Variants in ATP8B4 observed in about 807,000 individuals in gnomAD.
ATP8B4 encodes ATPase phospholipid transporting 8B4 (putative), also known as probable phospholipid-transporting ATPase IM.
ATP8B4 carries 133 observed loss-of-function variants against 145.6 expected under a neutral mutation model. That is an observed-to-expected ratio of 0.91 (90% CI 0.79 to 1.05). The LOEUF (loss-of-function observed/expected upper bound fraction) is 1.05. ATP8B4 is among the 50% of genes least tolerant of loss of function. The pLI is 0.00. For missense variants in ATP8B4, 1,458 were observed against 1,425.2 expected, an observed-to-expected ratio of 1.02 and a Z score of -0.37; for synonymous variants, 507 against 492.9, an observed-to-expected ratio of 1.03 and a Z score of -0.38.
At position 50,017,846 on chromosome 15, in the gene ATP8B4, G is replaced by C. The variant is rs528983110; in HGVS notation, c.363-6929C>G. On this transcript the variant is annotated intron_variant, in intron 6 of 27. Transcript: ENST00000284509. ...TAAAGGTATCACTGGAATATCAGGAGTTGATTTACTTATTAGGTTTGCAGT... is the reference window on the plus strand; with the variant it reads ...TAAAGGTATCACTGGAATATCAGGACTTGATTTACTTATTAGGTTTGCAGT... Among the ~76,000 whole-genome samples, 5 of 152,304 alleles carry C rather than the reference G, an allele frequency of 3.3e-5. No individual in the cohort carries two copies. In the East Asian group the frequency reaches 9.6e-4, roughly 29 times the overall value.
intron 20 of ATP8B4, among the ~76,000 whole-genome samples, chr15:49,915,270 G>A (rs1210765117): frequency 6.6e-6 from 1 of 152,150 alleles, no homozygotes; most frequent in African/African-American, 2.4e-5. Context: ...ATCTCATAGA[G>A]AGTAGAATGA....
At chr15:50,109,447 G>A (rs1332477836) in intron 1 of ATP8B4, among the ~76,000 whole-genome samples, 3 of 152,050 alleles carry the variant, frequency 2.0e-5, no homozygotes, top group Non-Finnish European at 4.4e-5. Flanking sequence ...TATTGGGCAG[G>A]TGAATGAATT....
At chr15:49,977,024 A>T (rs572519414) in intron 12 of ATP8B4, among the ~76,000 whole-genome samples, 1 of 152,266 alleles carries the variant, frequency 6.6e-6, no homozygotes, top group East Asian at 1.9e-4. Flanking sequence ...TTTAAAAAAA[A>T]CTGTAGCTGG....
At chr15:50,094,239 G>C (rs1214459910) in intron 2 of ATP8B4, among the ~76,000 whole-genome samples, 1 of 152,062 alleles carries the variant, frequency 6.6e-6, no homozygotes, top group Non-Finnish European at 1.5e-5. Context: ...CTCAAGGCCT[G>C]AATAGAACAA....
At chr15:50,164,732 A>G (rs1277598863) in intron 1 of ATP8B4, among the ~76,000 whole-genome samples, 1 of 152,196 alleles carries the variant, frequency 6.6e-6, no homozygotes, top group Non-Finnish European at 1.5e-5. Context: ...AGGACTCTAC[A>G]TCACTTTAGC....
Position 50,074,135 on chromosome 15 carries a change from G to A in ATP8B4, c.79C>T (p.Gln27Ter), listed in dbSNP as rs1340438692. 2 of 1,612,660 alleles carry A rather than the reference G, an allele frequency of 1.2e-6. No homozygotes were observed. Among genetic ancestry groups the A allele is most frequent in the Middle Eastern group, 1.7e-4 (1 of 6,058 alleles). The change falls in exon 3 of 28, where the codon CAG becomes TAG. Residue 27 changes from glutamine (Q) to a stop codon, truncating the protein, a stop_gained. Coordinates refer to ENST00000284509, the MANE Select transcript of ATP8B4 (RefSeq NM_024837.4). LOFTEE classifies it high-confidence loss of function. ...ANDREYNEKF[Q>*]YADNRIHTSK... ...ATGTGTGTTTCACTTACCGCATACT[G>A]GAACTTTTCATTATATTCACGGTCA...
chr15:49,942,423 A>G (rs28416417), intron 14 of ATP8B4, among the ~76,000 whole-genome samples: 20,483 of 151,884 alleles, frequency 0.13, 2,071 homozygotes, highest in African/African-American at 0.28. Flanking sequence ...GGGAGGAGGT[A>G]TTTAGAAAAT....
chr15:50,163,901 A>G (rs751436413), intron 1 of ATP8B4, among the ~76,000 whole-genome samples: 3 of 151,924 alleles, frequency 2.0e-5, no homozygotes, highest in Non-Finnish European at 2.9e-5. Context: ...GTCTCTCCCC[A>G]TGGCCACCAC....
At chr15:49,977,164 T>A (rs2045739828) in intron 12 of ATP8B4, among the ~76,000 whole-genome samples, 1 of 152,144 alleles carries the variant, frequency 6.6e-6, no homozygotes, top group African/African-American at 2.4e-5. Context: ...AAGTGATATA[T>A]GGCACTAATT....
chr15:49,888,652 G>T (rs1451947063), intron 23 of ATP8B4, among the ~76,000 whole-genome samples: 1 of 152,060 alleles, frequency 6.6e-6, no homozygotes, highest in Non-Finnish European at 1.5e-5. Flanking sequence ...TAAGTTACAG[G>T]TATAAATTGT....
At chr15:49,876,149 T>G (rs1398394220) in intron 25 of ATP8B4, 129 bp downstream of exon 25, 18 of 1,266,346 alleles carry the variant, frequency 1.4e-5, no homozygotes, top group Non-Finnish European at 1.9e-5. Flanking sequence ...TCAAAATGTG[T>G]ACTTAAAAGG....
At position 49,957,139 on chromosome 15, in the gene ATP8B4, T is replaced by G. The variant is rs188863007; in HGVS notation, c.1287+4838A>C. Among the ~76,000 whole-genome samples, 301 of 152,238 alleles carry G rather than the reference T, an allele frequency of 2.0e-3. 1 individual carries two copies. Among genetic ancestry groups the G allele is most frequent in the African/African-American group, 7.0e-3 (291 of 41,558 alleles). On this transcript the variant is annotated intron_variant, in intron 14 of 27. Transcript: ENST00000284509. Reference sequence around the variant, plus strand: ...TCTTTTAAAGCTGCAAATCGACTCATAGAAATTTATATACATTTCAGATTA... The same window carrying G: ...TCTTTTAAAGCTGCAAATCGACTCAGAGAAATTTATATACATTTCAGATTA...
chr15:50,141,256 G>A (rs1275966699), intron 1 of ATP8B4, among the ~76,000 whole-genome samples: 1 of 152,002 alleles, frequency 6.6e-6, no homozygotes. Context: ...TTCCTTTTAA[G>A]TGATGCTAAC....
intron 2 of ATP8B4, among the ~76,000 whole-genome samples, chr15:50,085,945 GAT>G (rs2054943997): frequency 4.6e-5 from 4 of 87,088 alleles, no homozygotes; most frequent in South Asian, 3.2e-4. Context: ...ATTTATATAT[GAT>G]ATATATCATA....
chr15:49,860,536 C>T lies in ATP8B4; in HGVS notation c.3298-61G>A, dbSNP rs546241553. 4.7e-6 allele frequency: 7 copies of T among 1,486,582 alleles called. No individual in the cohort carries two copies. The South Asian group carries it at 7.1e-5, about 15-fold the overall frequency. The allele number at this position is 1,486,582 out of a possible 1,614,324, so 92.1% of individuals were successfully genotyped here. A position where few individuals can be genotyped will look rare whatever the true frequency, so the allele number is the denominator to read the frequency against. ...CCAAATGATAGACTCCAGGCAGTGG[C>T]CCACTTTGTAAAGTGAAAGCCTTTT... On this transcript the variant is annotated intron_variant, in intron 27 of 27. Coordinates refer to ENST00000284509, the MANE Select transcript of ATP8B4 (RefSeq NM_024837.4).
chr15:50,173,552 A>C (rs1424780541), intron 1 of ATP8B4, among the ~76,000 whole-genome samples: 1 of 152,294 alleles, frequency 6.6e-6, no homozygotes, highest in East Asian at 1.9e-4. Context: ...GGACATAAAC[A>C]CTGCGGAAGG....
Position 49,934,076 on chromosome 15 carries a change from T to C in ATP8B4, c.1394A>G (p.His465Arg), listed in dbSNP as rs763429085. The C allele has an allele frequency of 2.0e-5, 32 of 1,612,704 alleles. No individual in the cohort carries two copies. The highest frequency in any genetic ancestry group is 3.3e-5 in the Admixed American group (2 of 59,866). The change falls in exon 15 of 28, where the codon CAT (histidine) becomes CGT (arginine). Residue 465 changes from histidine (H) to arginine (R), a missense_variant. Physicochemically the swap from His to Arg is conservative, Grantham distance 29. Transcript: ENST00000284509. ...ESIKMGDPKV[H>R]EFLRLLALCH... The stretch of plus-strand genomic sequence containing the variant: ...GAGAGCAAGTAACCTAAGGAATTCA[T>C]GAACTTTGGGATCACCCATTTTAAT...
intron 6 of ATP8B4, among the ~76,000 whole-genome samples, chr15:50,038,470 C>T (rs2051007442): frequency 6.6e-6 from 1 of 152,236 alleles, no homozygotes; most frequent in African/African-American, 2.4e-5. Context: ...ACATACAGAA[C>T]CCCATATGCA....
intron 14 of ATP8B4, among the ~76,000 whole-genome samples, chr15:49,946,386 A>G (rs529244851): frequency 2.0e-5 from 3 of 152,236 alleles, no homozygotes; most frequent in Admixed American, 6.5e-5. Flanking sequence ...GTCCAGAAGC[A>G]GGGCTCAGTC....
Sources: allele counts gnomAD v4.1 joint callset (sites outside exome capture counted in the v4.1 genomes callset), GRCh38; gene constraint gnomAD v4.1.1; transcripts MANE v1.5; gene names NCBI Gene and HGNC (gene_info 2026-07-23, HGNC 2026-07-21).